Variants in PDZD2 observed in about 807,000 individuals in gnomAD.
PDZD2 encodes PDZ domain containing 2.
PDZD2 carries 90 observed loss-of-function variants against 220.7 expected under a neutral mutation model. The observed-to-expected ratio is 0.41, with a 90% CI of 0.34 to 0.49. The LOEUF (loss-of-function observed/expected upper bound fraction) is 0.49, where lower values mean the gene tolerates loss of function less well. Ranked by LOEUF, PDZD2 falls within the 20% of genes least tolerant of loss-of-function variation. PDZD2 has a pLI of 0.28. For missense variants in PDZD2, 3,174 were observed against 3,608.5 expected (o/e 0.88, Z 3.08); for synonymous variants, 1,375 against 1,450.5 (o/e 0.95, Z 1.18).
rs1367676689 is a variant in PDZD2, at chr5:31,891,199, C to T, written c.476+91475C>T. ...TCGCCCAGGCTGGAGTGCAATGGCG[C>T]GATCTCGGCTCACTGCCATCTCAGC... On this transcript the variant is annotated intron_variant, in intron 2 of 24. Coordinates refer to ENST00000438447, the MANE Select transcript of PDZD2 (RefSeq NM_178140.4). 2.1e-5 allele frequency among the ~76,000 whole-genome samples: 3 copies of T among 143,034 alleles called. No homozygotes were observed. In the East Asian group the frequency reaches 6.1e-4, roughly 29 times the overall value. 93.8% of individuals were successfully genotyped at this position (143,034 alleles called of 152,430 possible). A position where few individuals can be genotyped will look rare whatever the true frequency, so the allele number is the denominator to read the frequency against.
At chr5:31,818,841 G>A (rs4867084) in intron 2 of PDZD2, among the ~76,000 whole-genome samples, 59,562 of 151,994 alleles carry the variant, frequency 0.39, 12,392 homozygotes, top group Non-Finnish European at 0.47. Flanking sequence ...TTAAGATCTA[G>A]TCTGTGACCA....
rs1210446891 is a variant in PDZD2, at chr5:32,074,212, G to A, written c.3106G>A (p.Gly1036Ser). 3.7e-6 allele frequency: 6 copies of A among 1,614,102 alleles called. No individual in the cohort carries two copies. Among genetic ancestry groups the A allele is most frequent in the Non-Finnish European group, 5.1e-6 (6 of 1,180,054 alleles). ...CAAGGCCATCTCGGCACCTCTTCTT[G>A]GTAGCTCAGTGGACTTAGAGGAGAG... ...VSKAISAPLLGSSVDLEESIP... is the reference protein window; with the variant it reads ...VSKAISAPLLSSSVDLEESIP... The change falls in exon 18 of 25, where the codon GGT (glycine) becomes AGT (serine). Residue 1036 changes from glycine (G) to serine (S), a missense_variant. This residue lies in a region of PDZD2 where 1,861 missense variants were observed against 2,001.0 expected (regional missense o/e 0.93). Transcript: ENST00000438447.
intron 20 of PDZD2, 90 bp from the exon 21 acceptor site, chr5:32,092,817 G>C: frequency 6.2e-6 from 4 of 642,516 alleles, no homozygotes; most frequent in Non-Finnish European, 1.1e-5. Flanking sequence ...CTTTTGTATA[G>C]TAGAAAGGAG....
intron 2 of PDZD2, among the ~76,000 whole-genome samples, chr5:31,907,379 G>A (rs78803348): frequency 6.6e-5 from 10 of 152,076 alleles, no homozygotes; most frequent in Non-Finnish European, 1.2e-4. Context: ...CCCTTCATGG[G>A]GTCCCTTCCT....
At chr5:32,021,841 G>A (rs1248388380) in intron 6 of PDZD2, among the ~76,000 whole-genome samples, 1 of 152,154 alleles carries the variant, frequency 6.6e-6, no homozygotes, top group Non-Finnish European at 1.5e-5. Context: ...TAAGCTATGA[G>A]TAGCAAAAAA....
At position 32,076,335 on chromosome 5, in the gene PDZD2, A is replaced by G. The variant is rs374271310; in HGVS notation, c.3538-1127A>G. Among the ~76,000 whole-genome samples, 3 of 151,078 alleles carry G rather than the reference A, an allele frequency of 2.0e-5. No individual in the cohort carries two copies. In the East Asian group the frequency reaches 5.8e-4, roughly 29 times the overall value. ...CAAATCACAAGTTTTGGATAACTGT[A>G]TAAAGGCAAATTAGGGTTTTTATTC... is the stretch of plus-strand genomic sequence containing the variant. On this transcript the variant is annotated intron_variant, in intron 18 of 24. Transcript: ENST00000438447.
Position 31,983,449 on chromosome 5 carries a change from A to G in PDZD2, c.771A>G (p.Glu257=), listed in dbSNP as rs1245294007. 1.2e-6 allele frequency: 2 copies of G among 1,614,192 alleles called. No individual in the cohort carries two copies. The highest frequency in any genetic ancestry group is 2.2e-5 in the East Asian group (1 of 44,890). Residue 257 remains glutamate (E), a synonymous_variant, in exon 3 of 25, where the codon GAA becomes GAG. Coordinates refer to ENST00000438447, the MANE Select transcript of PDZD2 (RefSeq NM_178140.4). ...AGCTGGAGAACGGCCCTGACCCTGA[A>G]CTTGGAAACGGCCATGTCTTTCAGC... is the stretch of plus-strand genomic sequence containing the variant. ...STELENGPDP[E]LGNGHVFQLE...
chr5:31,672,204 T>C (rs1382861026), intron 1 of PDZD2, among the ~76,000 whole-genome samples: 2 of 152,112 alleles, frequency 1.3e-5, no homozygotes, highest in Non-Finnish European at 2.9e-5. Flanking sequence ...CAGACTTGAA[T>C]GTATGTAGGA....
rs747443955 is a variant in PDZD2 at position 32,087,384 on chromosome 5, C to T, written c.3936C>T (p.Ser1312=). Residue 1312 remains serine, a synonymous_variant, in exon 20 of 25, where the codon AGC becomes AGT. Transcript: ENST00000438447. The surrounding 1 kb of genome is among the most constrained non-coding windows in gnomAD (Gnocchi z 4.0). ...YSKTRSASET[S]TPHNTRRVAA... ...AGACTCGATCAGCATCGGAAACCAG[C>T]ACACCCCACAATACCAGGAGGGTGG... 5.0e-6 allele frequency: 8 copies of T among 1,614,034 alleles called. No individual in the cohort carries two copies. In the South Asian group the frequency reaches 6.6e-5, roughly 13 times the overall value.
intron 6 of PDZD2, among the ~76,000 whole-genome samples, chr5:32,016,723 C>T (rs532079846): frequency 1.2e-4 from 18 of 152,138 alleles, no homozygotes; most frequent in Non-Finnish European, 2.2e-4. Context: ...GAACAGTCTG[C>T]CCTTCTCTTT....
intron 1 of PDZD2, among the ~76,000 whole-genome samples, chr5:31,761,056 GC>G (rs369796562): frequency 3.3e-5 from 5 of 152,292 alleles, no homozygotes; most frequent in African/African-American, 1.2e-4. Flanking sequence ...GTGGGGAGGG[GC>G]ACATAGTAGG....
intron 2 of PDZD2, among the ~76,000 whole-genome samples, chr5:31,950,075 A>T (rs1020390083): frequency 4.6e-5 from 7 of 152,196 alleles, no homozygotes; most frequent in African/African-American, 1.7e-4. Context: ...TGATGTGGAC[A>T]GTTGACTTCT....
At chr5:31,720,515 A>G (rs1042005748) in intron 1 of PDZD2, among the ~76,000 whole-genome samples, 2 of 152,208 alleles carry the variant, frequency 1.3e-5, no homozygotes, top group Admixed American at 6.5e-5. Flanking sequence ...TAGGAGGAAA[A>G]GAATACAAAT....
rs1743981402 is a variant in PDZD2 at position 32,098,869 on chromosome 5, A to T, written c.8218+235A>T. 1.3e-5 allele frequency among the ~76,000 whole-genome samples: 2 copies of T among 152,238 alleles called. No homozygotes were observed. Among genetic ancestry groups the T allele is most frequent in the South Asian group, 4.1e-4 (2 of 4,830 alleles). On this transcript the variant is annotated intron_variant, in intron 23 of 24. Transcript: ENST00000438447. The surrounding 1 kb of genome is among the most constrained non-coding windows in gnomAD (Gnocchi z 4.1). ...GTTCAAGCTGTACTGTGGAAGATTT[A>T]AAATGACTGCAGAACAGTTTCCCTA...
Position 31,689,351 on chromosome 5 carries a change from A to ATTTTTTTTTT in PDZD2, c.-361+49915_-361+49916insTTTTTTTTTT, listed in dbSNP as rs1288275783. On this transcript the variant is annotated intron_variant, in intron 1 of 24. Coordinates refer to ENST00000438447, the MANE Select transcript of PDZD2 (RefSeq NM_178140.4). Reference sequence around the variant, plus strand: ...TATACATATACATATATATATATATATATTTTTTTTTTTTTTTTTTTTAAG... The same window carrying ATTTTTTTTTT: ...TATACATATACATATATATATATATATTTTTTTTTTTATTTTTTTTTTTTTTTTTTTTAAG... Among the ~76,000 whole-genome samples, 9 of 28,186 alleles carry ATTTTTTTTTT rather than the reference A, an allele frequency of 3.2e-4. No homozygotes were observed. The East Asian group carries it at 0.02, about 64-fold the overall frequency. The allele number at this position is 28,186 out of a possible 152,430, so 18.5% of individuals were successfully genotyped here.
chr5:31,808,612 A>G (rs62350752), intron 2 of PDZD2, among the ~76,000 whole-genome samples: 25,766 of 152,186 alleles, frequency 0.17, 2,545 homozygotes, highest in Middle Eastern at 0.24. Context: ...GTATCATCTT[A>G]GAGAAGAGTG....
chr5:31,888,485 C>T (rs1022488873), intron 2 of PDZD2, among the ~76,000 whole-genome samples: 1 of 152,210 alleles, frequency 6.6e-6, no homozygotes, highest in Non-Finnish European at 1.5e-5. Flanking sequence ...AGCCACCGCA[C>T]CCGGCCCCAT....
At chr5:31,649,166 C>G (rs896375159) in intron 1 of PDZD2, among the ~76,000 whole-genome samples, 43 of 152,094 alleles carry the variant, frequency 2.8e-4, no homozygotes, top group African/African-American at 9.9e-4. Context: ...ACATGAGCCA[C>G]TGTGCCCGGC....
chr5:31,847,976 A>T, intron 2 of PDZD2: 1 of 420,408 alleles, frequency 2.4e-6, no homozygotes. Context: ...CATGATGGGG[A>T]TGTATAAGAA....
Sources: allele counts gnomAD v4.1 joint callset (sites outside exome capture counted in the v4.1 genomes callset), GRCh38; gene constraint gnomAD v4.1.1; regional missense constraint gnomAD v4.1.1; non-coding constraint Gnocchi (gnomAD v3.1); transcripts MANE v1.5; gene names NCBI Gene and HGNC (gene_info 2026-07-23, HGNC 2026-07-21).